The following NRG1 variants were observed in gnomAD, a reference collection of about 807,000 sequenced individuals.
NRG1 encodes the protein neuregulin 1.
NRG1 carries 18 observed loss-of-function variants against 63.8 expected under a neutral mutation model. That is an observed-to-expected ratio of 0.28 (90% CI 0.19 to 0.42). The LOEUF (loss-of-function observed/expected upper bound fraction) is 0.42. Ranked by LOEUF, NRG1 falls within the 10% of genes least tolerant of loss-of-function variation. The pLI, the probability that NRG1 is intolerant of heterozygous loss-of-function variation, is 1.00. For synonymous variants in NRG1, 302 were observed against 301.3 expected (o/e 1.00, Z -0.02); for missense variants, 762 against 814.7 (o/e 0.94, Z 0.79).
intron 1 of NRG1, among the ~76,000 whole-genome samples, chr8:31,869,948 AAGC>A (rs1829334040): frequency 6.6e-6 from 1 of 152,202 alleles, no homozygotes; most frequent in Non-Finnish European, 1.5e-5. Flanking sequence ...ACATTTCTAA[AAGC>A]AGCAATACAA....
intron 1 of NRG1, among the ~76,000 whole-genome samples, chr8:32,083,823 T>C (rs1254241494): frequency 6.6e-6 from 1 of 152,160 alleles, no homozygotes; most frequent in African/African-American, 2.4e-5. Flanking sequence ...TGTAGTTCAA[T>C]TGGATATTTA....
intron 1 of NRG1, among the ~76,000 whole-genome samples, chr8:32,193,304 T>TTGTG (rs142841681): frequency 0.061 from 9,069 of 147,994 alleles, 283 homozygotes; most frequent in Non-Finnish European, 0.069. Context: ...TTTTCTACCT[T>TTGTG]TGTGTGTGTG....
At chr8:32,625,900 T>G (rs753782135) in intron 5 of NRG1, among the ~76,000 whole-genome samples, 2 of 151,836 alleles carry the variant, frequency 1.3e-5, no homozygotes, top group Non-Finnish European at 2.9e-5. Context: ...TTCAAGCGAT[T>G]CTTTTGCCTC....
chr8:32,478,439 A>C (rs1050121090), intron 1 of NRG1, among the ~76,000 whole-genome samples: 8 of 152,226 alleles, frequency 5.3e-5, no homozygotes, highest in Admixed American at 1.3e-4. Context: ...ACTGTGTAGG[A>C]CACGCCTATG....
intron 1 of NRG1, among the ~76,000 whole-genome samples, chr8:31,731,067 T>C (rs894395651): frequency 6.6e-6 from 1 of 152,160 alleles, no homozygotes; most frequent in African/African-American, 2.4e-5. Context: ...TTCTAAATAC[T>C]GGAAATGATA....
chr8:32,515,884 G>A (rs1048563175), intron 1 of NRG1, among the ~76,000 whole-genome samples: 3 of 152,110 alleles, frequency 2.0e-5, no homozygotes, highest in African/African-American at 7.2e-5. Context: ...TCTGTCAATT[G>A]TTTCTTTTCC....
Position 32,134,459 on chromosome 8 carries a change from C to A in NRG1, c.38-461369C>A, listed in dbSNP as rs146287883. On this transcript the variant is annotated intron_variant, in intron 1 of 10. Transcript: ENST00000519301. ...GTACCAGAAGATAATAAAAAGAATC[C>A]TATTGTTTTAATTATCTCTTTTATT... Among the ~76,000 whole-genome samples, 70 of 152,162 alleles carry A rather than the reference C, an allele frequency of 4.6e-4. No homozygotes were observed. The East Asian group carries it at 0.011, about 24-fold the overall frequency.
intron 1 of NRG1, among the ~76,000 whole-genome samples, chr8:32,233,981 T>C (rs1376323732): frequency 1.3e-5 from 2 of 152,238 alleles, no homozygotes; most frequent in Non-Finnish European, 2.9e-5. Flanking sequence ...TCCAGATTTT[T>C]ATTTCAGTGG....
At position 31,687,390 on chromosome 8, in the gene NRG1, A is replaced by G. The variant is rs539188637; in HGVS notation, c.37+47959A>G. 7.9e-5 allele frequency among the ~76,000 whole-genome samples: 12 copies of G among 152,360 alleles called. No individual in the cohort carries two copies. In the South Asian group the frequency reaches 2.3e-3, roughly 29 times the overall value. Reference sequence around the variant, plus strand: ...ATTCAGTAGCCTTGTAGGCAAAACAAGACATATTCTTATTGTTGGAGTATA... The same window carrying G: ...ATTCAGTAGCCTTGTAGGCAAAACAGGACATATTCTTATTGTTGGAGTATA... On this transcript the variant is annotated intron_variant, in intron 1 of 10. Coordinates refer to the NRG1 transcript ENST00000519301.
intron 1 of NRG1, among the ~76,000 whole-genome samples, chr8:32,005,036 A>C (rs1456900419): frequency 6.6e-6 from 1 of 151,772 alleles, no homozygotes; most frequent in Non-Finnish European, 1.5e-5. Flanking sequence ...AAGAAGGAAA[A>C]AAAGAAAGGA....
chr8:32,184,982 G>A (rs1400330015), intron 1 of NRG1, among the ~76,000 whole-genome samples: 1 of 152,132 alleles, frequency 6.6e-6, no homozygotes, highest in African/African-American at 2.4e-5. Flanking sequence ...TCTTTCTGTG[G>A]TCCTGCCTTG....
At chr8:32,290,209 C>G (rs1005202360) in intron 1 of NRG1, among the ~76,000 whole-genome samples, 1 of 152,030 alleles carries the variant, frequency 6.6e-6, no homozygotes, top group Admixed American at 6.6e-5. Context: ...CCACTGCTCT[C>G]CAGCTTGGGT....
At chr8:31,653,242 C>T (rs1805079972) in intron 1 of NRG1, among the ~76,000 whole-genome samples, 1 of 151,900 alleles carries the variant, frequency 6.6e-6, no homozygotes, top group Admixed American at 6.6e-5. Context: ...CTATTTTCAA[C>T]AAAAAATACT....
intron 1 of NRG1, among the ~76,000 whole-genome samples, chr8:32,212,361 T>C (rs1027191256): frequency 1.3e-5 from 2 of 152,178 alleles, no homozygotes; most frequent in African/African-American, 4.8e-5. Context: ...ATACCTGGGA[T>C]CTGTTTCTGG....
chr8:32,291,448 A>T (rs560377132), intron 1 of NRG1, among the ~76,000 whole-genome samples: 1 of 151,748 alleles, frequency 6.6e-6, no homozygotes, highest in Non-Finnish European at 1.5e-5. Flanking sequence ...AAATTTGAAA[A>T]TTTTTAAATG....
intron 5 of NRG1, among the ~76,000 whole-genome samples, chr8:32,653,605 A>T (rs1305315345): frequency 6.6e-6 from 1 of 152,324 alleles, no homozygotes; most frequent in African/African-American, 2.4e-5. Flanking sequence ...TTAAGATGAA[A>T]AATATATACA....
chr8:31,662,736 A>G (rs746056804), intron 1 of NRG1, among the ~76,000 whole-genome samples: 1 of 152,216 alleles, frequency 6.6e-6, no homozygotes, highest in Non-Finnish European at 1.5e-5. Flanking sequence ...GGTAGGTTTC[A>G]TCATCTGCAC....
At chr8:32,638,350 C>CT (rs1405366118) in intron 5 of NRG1, among the ~76,000 whole-genome samples, 4 of 152,120 alleles carry the variant, frequency 2.6e-5, no homozygotes, top group African/African-American at 9.7e-5. Context: ...TGGGTAAGGC[C>CT]TGTTGCAGCT....
chr8:32,067,324 T>C (rs1252600197), intron 1 of NRG1, among the ~76,000 whole-genome samples: 2 of 152,160 alleles, frequency 1.3e-5, no homozygotes, highest in African/African-American at 4.8e-5. Flanking sequence ...TGGCCGTGGA[T>C]TTGTCATAGA....
Sources: allele counts gnomAD v4.1 joint callset (sites outside exome capture counted in the v4.1 genomes callset), GRCh38; gene constraint gnomAD v4.1.1; transcripts MANE v1.5; gene names NCBI Gene and HGNC (gene_info 2026-07-23, HGNC 2026-07-21).